LPIN2: variants seen among roughly 807,000 people sequenced by gnomAD.
The protein encoded by LPIN2 is lipin 2.
Under a neutral mutation model 111.4 loss-of-function variants are expected in LPIN2, and 55 were observed. The ratio of observed to expected loss-of-function variants is 0.49; its 90% CI spans 0.40 to 0.62. LPIN2 has a LOEUF of 0.62. Among genes scored for constraint, LPIN2 ranks in the 20% least tolerant of loss-of-function variants. The pLI is 0.00. For synonymous variants in LPIN2, 425 were observed against 414.0 expected (o/e 1.03, Z -0.32); for missense variants, 992 against 1,112.1 (o/e 0.89, Z 1.54).
At chr18:2,963,447 A>G (rs148397688) in intron 1 of LPIN2, among the ~76,000 whole-genome samples, 11 of 152,046 alleles carry the variant, frequency 7.2e-5, no homozygotes, top group Non-Finnish European at 1.5e-4. Context: ...CCAGCAGCAG[A>G]AAAGATACAC....
chr18:3,009,689 C>A (rs980494167), intron 1 of LPIN2, among the ~76,000 whole-genome samples: 4 of 152,126 alleles, frequency 2.6e-5, no homozygotes, highest in Non-Finnish European at 4.4e-5. Flanking sequence ...GATCCGCCCG[C>A]CTCGGCCTCC....
At position 2,937,648 on chromosome 18, in the gene LPIN2, A is replaced by G. The variant is rs3826637; in HGVS notation, c.1168+44T>C. On this transcript the variant is annotated intron_variant, in intron 7 of 19. Coordinates refer to ENST00000677752, the MANE Select transcript of LPIN2 (RefSeq NM_001375808.2). Reference sequence around the variant, plus strand: ...ATGTGGAACACTGAAATAATTTACCATCTAATTTGAGAGTACCTGGAGCCA... The same window carrying G: ...ATGTGGAACACTGAAATAATTTACCGTCTAATTTGAGAGTACCTGGAGCCA... The G allele has an allele frequency of 0.3, 444,121 of 1,502,338 alleles. 69,997 individuals carry two copies. The highest frequency in any genetic ancestry group is 0.59 in the East Asian group (26,175 of 44,350). 93.1% of individuals were successfully genotyped at this position (1,502,338 alleles called of 1,614,324 possible).
intron 6 of LPIN2, among the ~76,000 whole-genome samples, chr18:2,939,261 G>A (rs541413734): frequency 2.0e-5 from 3 of 152,158 alleles, no homozygotes; most frequent in Admixed American, 2.0e-4. Context: ...TCAGTAAATA[G>A]AAATATACAC....
chr18:2,996,770 C>T (rs1204459886), intron 1 of LPIN2, among the ~76,000 whole-genome samples: 2 of 152,136 alleles, frequency 1.3e-5, no homozygotes, highest in Non-Finnish European at 2.9e-5. Flanking sequence ...AGCCACCACG[C>T]TCGACCAATA....
intron 1 of LPIN2, among the ~76,000 whole-genome samples, chr18:2,980,509 C>T (rs1046398957): frequency 2.0e-5 from 3 of 152,170 alleles, no homozygotes; most frequent in Non-Finnish European, 4.4e-5. Context: ...GCATGATGCA[C>T]GCTGCCTCGT....
chr18:2,971,676 T>C (rs1407939870), intron 1 of LPIN2, among the ~76,000 whole-genome samples: 1 of 151,208 alleles, frequency 6.6e-6, no homozygotes, highest in East Asian at 1.9e-4. Context: ...ATATACACAG[T>C]GTTGCGTTTT....
chr18:2,940,787 G>T, intron 4 of LPIN2, 75 bp from the exon 5 acceptor site: 1 of 823,060 alleles, frequency 1.2e-6, no homozygotes, highest in Non-Finnish European at 2.1e-6. Flanking sequence ...CAAACCTACT[G>T]ATACTACAAA....
At chr18:2,923,963 G>A in intron 15 of LPIN2, 102 bp from the exon 16 acceptor site, 1 of 921,326 alleles carries the variant, frequency 1.1e-6, no homozygotes. Flanking sequence ...TTGGTGGCGG[G>A]ACACTCTTGA....
chr18:2,938,884 C>T (rs560674421), intron 6 of LPIN2, among the ~76,000 whole-genome samples: 1 of 151,892 alleles, frequency 6.6e-6, no homozygotes, highest in Non-Finnish European at 1.5e-5. Context: ...CTGGGGATGG[C>T]AGCTCACGCC....
In LPIN2 at chr18:3,000,389, C is replaced by G. The variant is rs189761172; in HGVS notation, c.-10+12698G>C. On this transcript the variant is annotated intron_variant, in intron 1 of 19. Transcript: ENST00000677752. Reference sequence around the variant, plus strand: ...AACATGATTTTCCAAATTGAAAGTTCCCACCAGGTGCCCAGCTCAAAGGAT... The same window carrying G: ...AACATGATTTTCCAAATTGAAAGTTGCCACCAGGTGCCCAGCTCAAAGGAT... 7.9e-5 allele frequency among the ~76,000 whole-genome samples: 12 copies of G among 152,306 alleles called. No homozygotes were observed. The East Asian group carries it at 2.3e-3, about 29-fold the overall frequency.
At chr18:2,971,043 C>A (rs546128703) in intron 1 of LPIN2, among the ~76,000 whole-genome samples, 179 of 152,276 alleles carry the variant, frequency 1.2e-3, no homozygotes, top group Non-Finnish European at 1.7e-3. Context: ...CTTTACTCAA[C>A]GACAGTGTCT....
intron 4 of LPIN2, among the ~76,000 whole-genome samples, chr18:2,942,052 T>G (rs2077374034): frequency 6.6e-6 from 1 of 152,232 alleles, no homozygotes; most frequent in Non-Finnish European, 1.5e-5. Context: ...TCACTTAGTT[T>G]GCTGGACTAA....
rs2077090769 is a variant in LPIN2 at position 2,923,793 on chromosome 18, A to G, written c.2156T>C (p.Leu719Pro). 1 of 1,614,036 alleles carries G rather than the reference A, an allele frequency of 6.2e-7. No individual in the cohort carries two copies. The highest frequency in any genetic ancestry group is 1.3e-5 in the African/African-American group (1 of 74,934). Residue 719 changes from leucine to proline, a missense_variant, in exon 16 of 20, where the codon CTC becomes CCC. Around this residue, in one of 4 missense-constraint regions of LPIN2, gnomAD observed 31 missense variants for 60.3 expected, o/e 0.51. Coordinates refer to ENST00000677752, the MANE Select transcript of LPIN2 (RefSeq NM_001375808.2). ...KDWTHQGIAK[L>P]YHSINENGYK... The stretch of plus-strand genomic sequence containing the variant: ...TACCTACTCATTGATGGAATGGTAG[A>G]GCTTTGCTATACCCTGGTGGGTCCA...
At chr18:2,988,714 T>A (rs920031478) in intron 1 of LPIN2, among the ~76,000 whole-genome samples, 3 of 152,214 alleles carry the variant, frequency 2.0e-5, no homozygotes, top group Admixed American at 6.5e-5. Flanking sequence ...AACCTTGTAA[T>A]GTCAAGACAC....
At position 2,980,144 on chromosome 18, in the gene LPIN2, T is replaced by C. The variant is rs551975532; in HGVS notation, c.-9-19295A>G. On this transcript the variant is annotated intron_variant, in intron 1 of 19. Transcript: ENST00000677752. ...GAAAATGGAACTCAGAAAATGTTTG[T>C]CTCAAAAATTTTAGCGAAACTTGGC... 3.3e-5 allele frequency among the ~76,000 whole-genome samples: 5 copies of C among 152,226 alleles called. No homozygotes were observed. In the South Asian group the frequency reaches 1.0e-3, roughly 32 times the overall value.
At chr18:2,935,361 C>T (rs189186962) in intron 7 of LPIN2, among the ~76,000 whole-genome samples, 2 of 152,132 alleles carry the variant, frequency 1.3e-5, no homozygotes, top group African/African-American at 4.8e-5. Flanking sequence ...GAGCTAACTC[C>T]CAGTTAAGAA....
Position 2,939,544 on chromosome 18 carries a change from T to TCC in LPIN2, c.756_757dup (p.Glu253GlyfsTer49). ...GTGAGACTCTGATCTGAGCAGGCTC[T>TCC]CCGCAGGTTTCACCTCCAGCTCTGA... On this transcript the variant is annotated frameshift_variant, in exon 6 of 20. Transcript: ENST00000677752. LOFTEE classifies it high-confidence loss of function. The TCC allele has an allele frequency of 6.2e-7, 1 of 1,614,114 alleles. No homozygotes were observed. Among genetic ancestry groups the TCC allele is most frequent in the Non-Finnish European group, 8.5e-7 (1 of 1,179,970 alleles).
At chr18:2,967,831 T>C (rs2077832184) in intron 1 of LPIN2, among the ~76,000 whole-genome samples, 1 of 152,230 alleles carries the variant, frequency 6.6e-6, no homozygotes, top group African/African-American at 2.4e-5. Flanking sequence ...CCAATTTGTT[T>C]CTTTAGTTTT....
chr18:2,955,168 A>G (rs1378549655), intron 2 of LPIN2, among the ~76,000 whole-genome samples: 1 of 152,216 alleles, frequency 6.6e-6, no homozygotes, highest in Non-Finnish European at 1.5e-5. Context: ...TCAGGTAGAC[A>G]TATGCGTTGG....
Sources: allele counts gnomAD v4.1 joint callset (sites outside exome capture counted in the v4.1 genomes callset), GRCh38; gene constraint gnomAD v4.1.1; regional missense constraint gnomAD v4.1.1; transcripts MANE v1.5; gene names NCBI Gene and HGNC (gene_info 2026-07-23, HGNC 2026-07-21).